Variants in NR6A1 observed in about 807,000 individuals in gnomAD.
NR6A1 encodes the protein retinoic acid receptor-related testis-associated receptor.
A neutral mutation model predicts 59.1 loss-of-function variants in NR6A1; 7 were observed. That is an observed-to-expected ratio of 0.12 (90% CI 0.07 to 0.22). The LOEUF (loss-of-function observed/expected upper bound fraction) is 0.22, where lower values mean the gene tolerates loss of function less well. Ranked by LOEUF, NR6A1 falls within the 10% of genes least tolerant of loss-of-function variation. NR6A1 has a pLI of 1.00. For synonymous variants in NR6A1, 243 were observed against 236.1 expected, an observed-to-expected ratio of 1.03 and a Z score of -0.27; for missense variants, 468 against 611.6, an observed-to-expected ratio of 0.77 and a Z score of 2.48.
chr9:124,739,985 T>G (rs1840130042), intron 1 of NR6A1, among the ~76,000 whole-genome samples: 1 of 152,190 alleles, frequency 6.6e-6, no homozygotes, highest in Admixed American at 6.5e-5. Context: ...AAAGGTAAAA[T>G]TCTACAATTC....
At chr9:124,698,368 A>C (rs1234299419) in intron 2 of NR6A1, 1 of 152,218 alleles carries the variant, frequency 6.6e-6, no homozygotes, top group African/African-American at 2.4e-5. Context: ...GAATCCACAG[A>C]GGAAAGGAAG....
chr9:124,590,671 C>T (rs1270252255), intron 2 of NR6A1, among the ~76,000 whole-genome samples: 1 of 152,104 alleles, frequency 6.6e-6, no homozygotes, highest in Non-Finnish European at 1.5e-5. Context: ...AACCCCTGAA[C>T]CCAGAAGGCA....
intron 1 of NR6A1, among the ~76,000 whole-genome samples, chr9:124,768,241 T>C (rs1840994612): frequency 6.6e-6 from 1 of 152,248 alleles, no homozygotes; most frequent in Admixed American, 6.5e-5. Flanking sequence ...TAGTTGTCTC[T>C]TGAAAATAGT....
rs866704796 is a variant in NR6A1 at position 124,571,501 on chromosome 9, T to C, written c.143-16931A>G. 3.9e-5 allele frequency among the ~76,000 whole-genome samples: 6 copies of C among 152,192 alleles called. 1 individual carries two copies. The highest frequency in any genetic ancestry group is 3.2e-3 in the Middle Eastern group (1 of 316). On this transcript the variant is annotated intron_variant, in intron 2 of 9. Coordinates refer to ENST00000487099, the MANE Select transcript of NR6A1 (RefSeq NM_033334.4). ...TGCCTGTGGGGCACTATGTTTACAC[T>C]GCTAGACAAGTTGACTGGACCAGGG...
chr9:124,548,997 C>G (rs1833690398), intron 3 of NR6A1, among the ~76,000 whole-genome samples: 1 of 152,142 alleles, frequency 6.6e-6, no homozygotes, highest in Non-Finnish European at 1.5e-5. Flanking sequence ...GAAGGACCAA[C>G]AGAAAAGTAG....
rs542980256 is a variant in NR6A1 at position 124,685,939 on chromosome 9, C to T, written c.142+47369G>A. Among the ~76,000 whole-genome samples, 5 of 152,256 alleles carry T rather than the reference C, an allele frequency of 3.3e-5. No homozygotes were observed. In the East Asian group the frequency reaches 7.7e-4, roughly 24 times the overall value. ...CTAAGCATAGCTTTTCTACAGAACA[C>T]ACATTTTTAAATAAAAGTTTTAAGA... On this transcript the variant is annotated intron_variant, in intron 2 of 9. Transcript: ENST00000487099.
chr9:124,748,795 G>A (rs1840410413), intron 1 of NR6A1, among the ~76,000 whole-genome samples: 1 of 151,668 alleles, frequency 6.6e-6, no homozygotes, highest in Non-Finnish European at 1.5e-5. Flanking sequence ...AACCCGGGAG[G>A]TGGAGCTTGC....
At chr9:124,589,815 C>G (rs147224942) in intron 2 of NR6A1, among the ~76,000 whole-genome samples, 11 of 152,052 alleles carry the variant, frequency 7.2e-5, no homozygotes, top group African/African-American at 2.4e-4. Flanking sequence ...GCCTGTAATC[C>G]CACCACTTTG....
chr9:124,571,077 C>T (rs1834425076), intron 2 of NR6A1, among the ~76,000 whole-genome samples: 1 of 152,070 alleles, frequency 6.6e-6, no homozygotes, highest in African/African-American at 2.4e-5. Context: ...GTAGTGGACA[C>T]TGAAGAGTGA....
chr9:124,623,223 C>A (rs1221602145), intron 2 of NR6A1, among the ~76,000 whole-genome samples: 1 of 152,024 alleles, frequency 6.6e-6, no homozygotes, highest in East Asian at 1.9e-4. Flanking sequence ...AAGACTTGAT[C>A]TTTGGACAGT....
intron 2 of NR6A1, among the ~76,000 whole-genome samples, chr9:124,664,900 C>T (rs753085453): frequency 1.3e-5 from 2 of 148,862 alleles, no homozygotes; most frequent in Non-Finnish European, 1.5e-5. Flanking sequence ...GGGCCAGCGA[C>T]GGTAGCTCAC....
chr9:124,650,141 T>C (rs1837054235), intron 2 of NR6A1, among the ~76,000 whole-genome samples: 1 of 152,168 alleles, frequency 6.6e-6, no homozygotes, highest in African/African-American at 2.4e-5. Context: ...TGCACTCTCA[T>C]GTTTATTGCA....
chr9:124,541,964 T>A (rs988886593), intron 4 of NR6A1, among the ~76,000 whole-genome samples: 1 of 152,178 alleles, frequency 6.6e-6, no homozygotes, highest in Non-Finnish European at 1.5e-5. Flanking sequence ...GTATCTAAAG[T>A]AGTCAAACTC....
At chr9:124,588,247 C>T (rs914310548) in intron 2 of NR6A1, among the ~76,000 whole-genome samples, 4 of 152,136 alleles carry the variant, frequency 2.6e-5, no homozygotes, top group Non-Finnish European at 5.9e-5. Flanking sequence ...TTCCAAATGG[C>T]ATGTGGAGAC....
At chr9:124,572,438 C>G (rs1229825905) in intron 2 of NR6A1, among the ~76,000 whole-genome samples, 2 of 151,692 alleles carry the variant, frequency 1.3e-5, no homozygotes, top group African/African-American at 4.9e-5. Flanking sequence ...GGAACAACTG[C>G]TAGAGACTAT....
intron 2 of NR6A1, among the ~76,000 whole-genome samples, chr9:124,588,906 C>T (rs1588690732): frequency 7.7e-6 from 1 of 130,570 alleles, no homozygotes; most frequent in Admixed American, 8.7e-5. Context: ...GGCGACAGAA[C>T]GAGACTCTGT....
chr9:124,651,895 C>G (rs1465074805), intron 2 of NR6A1, among the ~76,000 whole-genome samples: 2 of 152,160 alleles, frequency 1.3e-5, no homozygotes. Flanking sequence ...TAGACATTGG[C>G]ACCTGACCAT....
At chr9:124,585,624 T>A (rs897890903) in intron 2 of NR6A1, among the ~76,000 whole-genome samples, 3 of 145,890 alleles carry the variant, frequency 2.1e-5, no homozygotes, top group Non-Finnish European at 4.5e-5. Flanking sequence ...ATCCAGAAGA[T>A]CAACGATGAA....
chr9:124,603,739 A>C (rs1279775932), intron 2 of NR6A1, among the ~76,000 whole-genome samples: 2 of 152,158 alleles, frequency 1.3e-5, no homozygotes, highest in Non-Finnish European at 2.9e-5. Context: ...GAAGGAAAGG[A>C]GCTGCTTCAG....
Sources: gnomAD v4.1 joint callset for allele counts (sites outside exome capture counted in the v4.1 genomes callset) on GRCh38, gnomAD v4.1.1 for gene constraint, MANE v1.5 for transcripts, NCBI Gene and HGNC (gene_info 2026-07-23, HGNC 2026-07-21) for gene names.